Variants in PBX1 observed in about 807,000 individuals in gnomAD.
PBX1 encodes PBX homeobox 1.
In PBX1, 6 loss-of-function variants were observed where a neutral mutation model predicts 53.4. That is an observed-to-expected ratio of 0.11 (90% CI 0.06 to 0.22). The LOEUF is 0.22. PBX1 is among the 10% of genes least tolerant of loss of function. The probability of loss-of-function intolerance (pLI) is 1.00; values close to 1 mark genes in which losing one functional copy is unlikely to be tolerated. For missense variants in PBX1, 251 were observed against 551.4 expected (o/e 0.46, Z 5.46); for synonymous variants, 204 against 212.3 (o/e 0.96, Z 0.34).
At chr1:164,716,685 T>TCCACACACACACACACAC (rs1553234812) in intron 2 of PBX1, among the ~76,000 whole-genome samples, 1 of 115,828 alleles carries the variant, frequency 8.6e-6, no homozygotes, top group African/African-American at 3.5e-5. Context: ...ATGTCATCTC[T>TCCACACACACACACACAC]ACACACACAC....
chr1:164,625,145 CT>C (rs1425304316), intron 2 of PBX1, among the ~76,000 whole-genome samples: 3 of 152,136 alleles, frequency 2.0e-5, no homozygotes, highest in East Asian at 3.9e-4. Flanking sequence ...CTTGATTTTA[CT>C]TTTTGTTTAG....
chr1:164,595,868 C>T (rs1239468640), intron 2 of PBX1, among the ~76,000 whole-genome samples: 3 of 152,078 alleles, frequency 2.0e-5, no homozygotes, highest in Admixed American at 6.6e-5. Context: ...AGGAAAAATA[C>T]GTTTTAGGGA....
intron 2 of PBX1, among the ~76,000 whole-genome samples, chr1:164,638,690 G>A (rs997575182): frequency 6.6e-6 from 1 of 152,186 alleles, no homozygotes; most frequent in Admixed American, 6.5e-5. Context: ...ATAAAGGCAG[G>A]TGATCCCTGC....
intron 2 of PBX1, among the ~76,000 whole-genome samples, chr1:164,599,864 T>C (rs138078962): frequency 2.4e-4 from 36 of 152,318 alleles, no homozygotes; most frequent in African/African-American, 8.4e-4. Context: ...CCGCTTTTTT[T>C]TTCTTCTTTT....
chr1:164,851,035 A>C lies in PBX1; in HGVS notation c.*4359A>C, dbSNP rs780366336. The C allele has an allele frequency of 5.8e-5, 13 of 223,858 alleles. No homozygotes were observed. The highest frequency in any genetic ancestry group is 1.1e-4 in the Non-Finnish European group (12 of 112,156). 13.9% of individuals were successfully genotyped at this position (223,858 alleles called of 1,614,324 possible). A position where few individuals can be genotyped will look rare whatever the true frequency, so the allele number is the denominator to read the frequency against. ...GTCCTTGGGGCCAGTCTGCCAGCTG[A>C]GTCCTGGTTTTGGATGAAGAGTTAA... On this transcript the variant is annotated 3_prime_UTR_variant, in exon 9 of 9. Transcript: ENST00000420696.
At chr1:164,713,056 C>G (rs1663889355) in intron 2 of PBX1, among the ~76,000 whole-genome samples, 1 of 152,104 alleles carries the variant, frequency 6.6e-6, no homozygotes, top group African/African-American at 2.4e-5. Context: ...TGTGGAGATC[C>G]TTACAGTCTC....
At chr1:164,612,557 C>T (rs1657008560) in intron 2 of PBX1, among the ~76,000 whole-genome samples, 1 of 152,162 alleles carries the variant, frequency 6.6e-6, no homozygotes, top group African/African-American at 2.4e-5. Flanking sequence ...CCTCTTCCTC[C>T]TTCCCTCACC....
At chr1:164,807,507 G>T (rs1295818442) in intron 4 of PBX1, 35 bp from the exon 5 acceptor site, 2 of 1,604,884 alleles carry the variant, frequency 1.2e-6, no homozygotes, top group South Asian at 1.1e-5. Flanking sequence ...TTTGGTGTGA[G>T]CCTTTTTGTT....
intron 6 of PBX1, chr1:164,815,808 G>A (rs1461283561): frequency 1.3e-5 from 2 of 152,142 alleles, no homozygotes; most frequent in Non-Finnish European, 2.9e-5. Context: ...TGGGGACCGT[G>A]GGGATTATGG....
At chr1:164,859,587 T>C (rs1558050163) in intron 2 of PBX1, among the ~76,000 whole-genome samples, 1 of 152,196 alleles carries the variant, frequency 6.6e-6, no homozygotes, top group Admixed American at 6.5e-5. Context: ...ACCCCCTCTA[T>C]GCAAATAGCA....
At chr1:164,753,437 G>T (rs1413034575) in intron 2 of PBX1, among the ~76,000 whole-genome samples, 1 of 152,058 alleles carries the variant, frequency 6.6e-6, no homozygotes, top group Non-Finnish European at 1.5e-5. Flanking sequence ...TTGGGTTTTG[G>T]TAGTTGTTGT....
intron 2 of PBX1, among the ~76,000 whole-genome samples, chr1:164,730,546 C>T (rs757089454): frequency 7.9e-5 from 12 of 152,142 alleles, no homozygotes; most frequent in Non-Finnish European, 1.5e-4. Flanking sequence ...CCTCTCATTC[C>T]TCTGAAAAGG....
At chr1:164,680,467 T>C (rs571310625) in intron 2 of PBX1, 5 of 152,304 alleles carry the variant, frequency 3.3e-5, no homozygotes, top group African/African-American at 1.2e-4. Flanking sequence ...TGAGGTTTGG[T>C]GTACAGATAA....
chr1:164,753,958 G>A (rs923889598), intron 2 of PBX1, among the ~76,000 whole-genome samples: 35 of 152,266 alleles, frequency 2.3e-4, no homozygotes, highest in African/African-American at 8.4e-4. Context: ...TGTTTAGTGT[G>A]GTGGAGAAGG....
intron 2 of PBX1, among the ~76,000 whole-genome samples, chr1:164,589,742 T>C (rs1381185580): frequency 6.6e-6 from 1 of 152,202 alleles, no homozygotes; most frequent in African/African-American, 2.4e-5. Context: ...AATACTTTTC[T>C]GATTCCTGTT....
chr1:164,809,020 A>C (rs1669483659), intron 5 of PBX1, among the ~76,000 whole-genome samples: 1 of 152,144 alleles, frequency 6.6e-6, no homozygotes, highest in Non-Finnish European at 1.5e-5. Flanking sequence ...CTTTTCCACA[A>C]AAAAGGGAAT....
intron 2 of PBX1, among the ~76,000 whole-genome samples, chr1:164,790,032 T>C (rs982402752): frequency 6.6e-6 from 1 of 152,032 alleles, no homozygotes; most frequent in African/African-American, 2.4e-5. Flanking sequence ...TTAAAATTTA[T>C]CATATAAAGA....
At chr1:164,595,916 T>G (rs535101132) in intron 2 of PBX1, among the ~76,000 whole-genome samples, 2 of 152,300 alleles carry the variant, frequency 1.3e-5, no homozygotes, top group East Asian at 3.9e-4. Context: ...GTTGTAATTT[T>G]TAGGGCTTTG....
intron 4 of PBX1, 136 bp downstream of exon 4, chr1:164,800,025 G>GCGAGACTAGATGGGCCAT (rs1668991431): frequency 6.7e-6 from 5 of 747,582 alleles, no homozygotes; most frequent in Non-Finnish European, 1.1e-5. Context: ...GGATGGTTCT[G>GCGAGACTAGATGGGCCAT]CGAGACTAGA....
Sources: allele counts gnomAD v4.1 joint callset (sites outside exome capture counted in the v4.1 genomes callset), GRCh38; gene constraint gnomAD v4.1.1; transcripts MANE v1.5; gene names NCBI Gene and HGNC (gene_info 2026-07-23, HGNC 2026-07-21).